STAG1: variants seen among roughly 807,000 people sequenced by gnomAD.
STAG1 encodes the protein cohesin subunit SA-1.
In STAG1, 26 loss-of-function variants were observed where a neutral mutation model predicts 170.9. The observed-to-expected ratio is 0.15, with a 90% CI of 0.11 to 0.21. STAG1 has a LOEUF of 0.21. Ranked by LOEUF, STAG1 falls within the 10% of genes least tolerant of loss-of-function variation. STAG1 has a pLI of 1.00. For missense variants in STAG1, 964 were observed against 1,509.5 expected (o/e 0.64, Z 5.99); for synonymous variants, 514 against 497.7 (o/e 1.03, Z -0.44).
chr3:136,430,246 T>C (rs759901277), intron 16 of STAG1: 1 of 152,258 alleles, frequency 6.6e-6, no homozygotes, highest in African/African-American at 2.4e-5. Flanking sequence ...GGGTAAACGG[T>C]ATATAATTTC....
At chr3:136,400,332 A>G (rs557147374) in intron 21 of STAG1, among the ~76,000 whole-genome samples, 6 of 151,902 alleles carry the variant, frequency 3.9e-5, no homozygotes, top group Non-Finnish European at 7.4e-5. Context: ...GGTTCAAACA[A>G]TTCTCCTACC....
chr3:136,684,649 G>A (rs1011554423), intron 1 of STAG1, among the ~76,000 whole-genome samples: 11 of 151,876 alleles, frequency 7.2e-5, no homozygotes, highest in Non-Finnish European at 1.5e-4. Context: ...TACTTGGGAG[G>A]TTGAGGTGGG....
At chr3:136,573,695 G>A (rs985388954) in intron 4 of STAG1, among the ~76,000 whole-genome samples, 4 of 152,120 alleles carry the variant, frequency 2.6e-5, no homozygotes, top group Admixed American at 6.5e-5. Flanking sequence ...CCAACTGGCC[G>A]GGCATGGTGG....
At chr3:136,371,130 T>C (rs1210176800) in intron 23 of STAG1, among the ~76,000 whole-genome samples, 1 of 152,228 alleles carries the variant, frequency 6.6e-6, no homozygotes, top group Non-Finnish European at 1.5e-5. Flanking sequence ...CATTTTTTCA[T>C]GTGTTTTTTG....
Position 136,359,258 on chromosome 3 carries a change from T to C in STAG1, c.2826A>G (p.Leu942=), listed in dbSNP as rs1560056428. The C allele has an allele frequency of 6.2e-7, 1 of 1,612,184 alleles. No individual in the cohort carries two copies. Among genetic ancestry groups the C allele is most frequent in the African/African-American group, 1.3e-5 (1 of 74,996 alleles). The change falls in exon 27 of 34, where the codon CTA becomes CTG. Residue 942 remains leucine (L), a synonymous_variant. Coordinates refer to ENST00000383202, the MANE Select transcript of STAG1 (RefSeq NM_005862.3). ...CACTGACATGGGCAGATGTCCTATC[T>C]AGGTTGGGACCTTGCTCTTGAACAA... ...NELVQEQGPN[L]DRTSAHVSGI...
intron 9 of STAG1, among the ~76,000 whole-genome samples, chr3:136,487,116 A>G (rs1179421903): frequency 6.6e-6 from 1 of 150,540 alleles, no homozygotes; most frequent in Admixed American, 6.6e-5. Flanking sequence ...CCCGTCCTCT[A>G]AGTTCCCTCC....
chr3:136,714,945 A>ATATATATTT (rs1553770522), intron 1 of STAG1, among the ~76,000 whole-genome samples: 1 of 71,098 alleles, frequency 1.4e-5, no homozygotes, highest in African/African-American at 5.0e-5. Context: ...TTAAATATAT[A>ATATATATTT]TATATATATA....
At position 136,585,413 on chromosome 3, in the gene STAG1, G is replaced by A. The variant is rs191368772; in HGVS notation, c.298-16552C>T. 1.9e-3 allele frequency among the ~76,000 whole-genome samples: 282 copies of A among 152,190 alleles called. 7 individuals carry two copies. The East Asian group carries it at 0.045, about 24-fold the overall frequency. ...GCCGAGATCACGCCGCTGCACTACA[G>A]CCTGGGCGACAGAGTGAGACTCCAT... is the stretch of plus-strand genomic sequence containing the variant. On this transcript the variant is annotated intron_variant, in intron 4 of 33. Coordinates refer to ENST00000383202, the MANE Select transcript of STAG1 (RefSeq NM_005862.3).
intron 15 of STAG1, among the ~76,000 whole-genome samples, chr3:136,439,206 A>C (rs530513720): frequency 1.7e-5 from 1 of 58,606 alleles, no homozygotes; most frequent in East Asian, 4.5e-4. Context: ...AAAAAAAAAA[A>C]AAAAAAACCC....
At chr3:136,688,669 G>C (rs1393453708) in intron 1 of STAG1, among the ~76,000 whole-genome samples, 1 of 152,218 alleles carries the variant, frequency 6.6e-6, no homozygotes, top group Non-Finnish European at 1.5e-5. Flanking sequence ...TGAGATTACA[G>C]GCAGGAGCCA....
In STAG1 at chr3:136,336,629, T is replaced by C. The variant is rs1935689499; in HGVS notation, c.*1625A>G. ...TGAAGCCCACAATTCTGGGAGAAAG[T>C]GAGGCCCCAGCTCCCCTAACTGGAG... On this transcript the variant is annotated 3_prime_UTR_variant, in exon 34 of 34. Coordinates refer to ENST00000383202, the MANE Select transcript of STAG1 (RefSeq NM_005862.3). 2 of 151,880 alleles carry C rather than the reference T, an allele frequency of 1.3e-5. No homozygotes were observed. Among genetic ancestry groups the C allele is most frequent in the South Asian group, 4.1e-4 (2 of 4,820 alleles). The allele number at this position is 151,880 out of a possible 1,614,324, so 9.4% of individuals were successfully genotyped here.
chr3:136,372,976 C>T (rs1447516080), intron 23 of STAG1, among the ~76,000 whole-genome samples: 3 of 152,082 alleles, frequency 2.0e-5, no homozygotes, highest in Non-Finnish European at 1.5e-5. Context: ...TCCATCTGGT[C>T]CTGGACTTTT....
intron 15 of STAG1, among the ~76,000 whole-genome samples, chr3:136,441,240 C>T (rs192284411): frequency 1.4e-3 from 210 of 152,060 alleles, no homozygotes; most frequent in South Asian, 5.8e-3. Flanking sequence ...GCCATATTGG[C>T]GAGGCTGGTC....
intron 1 of STAG1, among the ~76,000 whole-genome samples, chr3:136,750,731 G>C (rs1271229056): frequency 2.0e-5 from 3 of 152,230 alleles, no homozygotes; most frequent in Non-Finnish European, 4.4e-5. Flanking sequence ...AACTTTATTT[G>C]GGTAACAATT....
chr3:136,569,335 G>T (rs554715914), intron 4 of STAG1, among the ~76,000 whole-genome samples: 7 of 145,834 alleles, frequency 4.8e-5, no homozygotes, highest in African/African-American at 1.8e-4. Context: ...TATCAACAAA[G>T]TGAAAAAGAA....
chr3:136,564,921 A>G (rs1217782824), intron 5 of STAG1, among the ~76,000 whole-genome samples: 2 of 148,970 alleles, frequency 1.3e-5, no homozygotes, highest in Non-Finnish European at 3.0e-5. Context: ...AATCTTCATG[A>G]CCTTGAATTT....
intron 23 of STAG1, among the ~76,000 whole-genome samples, chr3:136,374,110 C>T (rs1413920076): frequency 4.0e-5 from 6 of 151,776 alleles, no homozygotes; most frequent in South Asian, 2.1e-4. Context: ...CTTCTTTGTC[C>T]CTTTTGATCT....
At chr3:136,634,116 C>A (rs1940451331) in intron 1 of STAG1, among the ~76,000 whole-genome samples, 1 of 150,948 alleles carries the variant, frequency 6.6e-6, no homozygotes, top group African/African-American at 2.4e-5. Flanking sequence ...ACTCCAGTCT[C>A]GGTGACAGAG....
chr3:136,532,682 A>G (rs1217513530), intron 6 of STAG1, among the ~76,000 whole-genome samples: 1 of 152,222 alleles, frequency 6.6e-6, no homozygotes, highest in Non-Finnish European at 1.5e-5. Flanking sequence ...GATCATCTCA[A>G]TAGATGCAGA....
Sources: gnomAD v4.1 joint callset for allele counts (sites outside exome capture counted in the v4.1 genomes callset) on GRCh38, gnomAD v4.1.1 for gene constraint, MANE v1.5 for transcripts, NCBI Gene and HGNC (gene_info 2026-07-23, HGNC 2026-07-21) for gene names.